GPC6: variants seen among roughly 807,000 people sequenced by gnomAD.
The protein encoded by GPC6 is glypican 6.
In GPC6, 14 loss-of-function variants were observed where a neutral mutation model predicts 55.2. The observed-to-expected ratio is 0.25, with a 90% CI of 0.17 to 0.40. The LOEUF is 0.40. Among genes scored for constraint, GPC6 ranks in the 10% least tolerant of loss-of-function variants. The pLI, the probability that GPC6 is intolerant of heterozygous loss-of-function variation, is 1.00. For synonymous variants in GPC6, 278 were observed against 259.6 expected, an observed-to-expected ratio of 1.07 and a Z score of -0.68; for missense variants, 641 against 708.5, an observed-to-expected ratio of 0.90 and a Z score of 1.08.
At chr13:93,688,906 TTAA>T (rs1281337025) in intron 2 of GPC6, among the ~76,000 whole-genome samples, 1 of 152,010 alleles carries the variant, frequency 6.6e-6, no homozygotes, top group African/African-American at 2.4e-5. Flanking sequence ...CTTACAAATG[TTAA>T]TATGGTAAAT....
intron 2 of GPC6, among the ~76,000 whole-genome samples, chr13:93,751,292 C>T (rs1884579080): frequency 6.6e-6 from 1 of 152,002 alleles, no homozygotes; most frequent in Non-Finnish European, 1.5e-5. Flanking sequence ...GCCTCACCAC[C>T]AATAGTAGCT....
At chr13:93,430,772 T>G (rs1877325662) in intron 1 of GPC6, among the ~76,000 whole-genome samples, 1 of 152,158 alleles carries the variant, frequency 6.6e-6, no homozygotes, top group South Asian at 2.1e-4. Context: ...CTTATACAGT[T>G]TTATGTGTAT....
chr13:94,328,479 T>C (rs937978516), intron 6 of GPC6, among the ~76,000 whole-genome samples: 1 of 152,196 alleles, frequency 6.6e-6, no homozygotes, highest in East Asian at 1.9e-4. Flanking sequence ...CTGGGGATGC[T>C]GGAACAAAGC....
chr13:93,833,293 A>C (rs908648419), intron 3 of GPC6, among the ~76,000 whole-genome samples: 9 of 152,168 alleles, frequency 5.9e-5, no homozygotes, highest in African/African-American at 2.2e-4. Flanking sequence ...AGCCGACTAA[A>C]CTAGCAATTT....
chr13:94,065,206 C>A (rs1318387628), intron 4 of GPC6, among the ~76,000 whole-genome samples: 7 of 152,222 alleles, frequency 4.6e-5, no homozygotes, highest in Admixed American at 6.5e-5. Context: ...TTTCCTCTGC[C>A]AATTTGCAAT....
intron 2 of GPC6, among the ~76,000 whole-genome samples, chr13:93,789,579 C>CTATATATATATAATACTACATATATA (rs1885939667): frequency 3.4e-5 from 2 of 59,032 alleles, no homozygotes; most frequent in African/African-American, 6.9e-5. Flanking sequence ...TATATAAATA[C>CTATATATATATAATACTACATATATA]TATATATATA....
At chr13:93,804,385 T>C (rs947096035) in intron 2 of GPC6, among the ~76,000 whole-genome samples, 3 of 152,216 alleles carry the variant, frequency 2.0e-5, no homozygotes, top group African/African-American at 7.2e-5. Context: ...GTACATGACC[T>C]AAAATTTATT....
In GPC6 at chr13:93,400,497, G is replaced by A. The variant is rs142124025; in HGVS notation, c.161-144766G>A. On this transcript the variant is annotated intron_variant, in intron 1 of 8. Transcript: ENST00000377047. The stretch of plus-strand genomic sequence containing the variant: ...GTGGGGGGAGGTGGGGATGGTTAAT[G>A]GATGCAAAAATAAAAAGAATGAATT... Among the ~76,000 whole-genome samples the A allele has an allele frequency of 3.6e-3, 550 of 152,096 alleles. 3 individuals carry two copies. The highest frequency in any genetic ancestry group is 7.7e-3 in the South Asian group (37 of 4,824).
chr13:93,309,444 T>A (rs1389909104), intron 1 of GPC6, among the ~76,000 whole-genome samples: 1 of 152,126 alleles, frequency 6.6e-6, no homozygotes, highest in South Asian at 2.1e-4. Flanking sequence ...TTATATATTC[T>A]GTATTATTTT....
At chr13:94,393,924 G>A (rs1880780978) in intron 7 of GPC6, among the ~76,000 whole-genome samples, 1 of 152,152 alleles carries the variant, frequency 6.6e-6, no homozygotes. Context: ...TGTCAGGAGT[G>A]ATGTTGAATG....
At chr13:94,384,556 A>G (rs934368675) in intron 7 of GPC6, among the ~76,000 whole-genome samples, 3 of 152,128 alleles carry the variant, frequency 2.0e-5, no homozygotes, top group African/African-American at 7.2e-5. Flanking sequence ...TATTTTTTTA[A>G]AAAAAGGCCA....
chr13:93,331,932 G>A (rs1256997321), intron 1 of GPC6, among the ~76,000 whole-genome samples: 2 of 151,854 alleles, frequency 1.3e-5, no homozygotes, highest in Non-Finnish European at 2.9e-5. Flanking sequence ...CATTTTTATA[G>A]CTCCCATATA....
intron 2 of GPC6, among the ~76,000 whole-genome samples, chr13:93,674,603 G>A (rs1180741993): frequency 2.6e-5 from 4 of 152,100 alleles, no homozygotes; most frequent in Non-Finnish European, 1.5e-5. Flanking sequence ...TTTCATTTCC[G>A]ACTGTCAGCA....
At chr13:93,380,542 G>C (rs1415646754) in intron 1 of GPC6, among the ~76,000 whole-genome samples, 5 of 152,190 alleles carry the variant, frequency 3.3e-5, no homozygotes, top group Admixed American at 6.5e-5. Flanking sequence ...TAACTTGTAG[G>C]ATAATCTTGT....
chr13:94,282,249 G>C (rs550041870), intron 4 of GPC6, among the ~76,000 whole-genome samples: 17 of 152,158 alleles, frequency 1.1e-4, no homozygotes, highest in Middle Eastern at 6.8e-3. Flanking sequence ...TGCATGGCTG[G>C]GGAAATGCAG....
At chr13:94,316,222 G>C (rs182033269) in intron 6 of GPC6, among the ~76,000 whole-genome samples, 79 of 152,222 alleles carry the variant, frequency 5.2e-4, no homozygotes, top group Middle Eastern at 6.8e-3. Context: ...TATTAGAGAG[G>C]GGGTATCTAC....
At chr13:93,369,933 T>C (rs1393486860) in intron 1 of GPC6, among the ~76,000 whole-genome samples, 1 of 152,144 alleles carries the variant, frequency 6.6e-6, no homozygotes, top group Non-Finnish European at 1.5e-5. Flanking sequence ...CAAGTGATTA[T>C]GTAGGTTGTA....
chr13:93,287,167 G>A (rs982046370), intron 1 of GPC6, among the ~76,000 whole-genome samples: 6 of 151,988 alleles, frequency 3.9e-5, no homozygotes, highest in Non-Finnish European at 7.4e-5. Context: ...CTGAAACCTT[G>A]GGTCCACATT....
At chr13:93,771,288 C>T (rs1215841501) in intron 2 of GPC6, among the ~76,000 whole-genome samples, 2 of 152,194 alleles carry the variant, frequency 1.3e-5, no homozygotes, top group South Asian at 2.1e-4. Flanking sequence ...GATCACGCTT[C>T]CTTCCTCGGT....
Sources: gnomAD v4.1 joint callset for allele counts (sites outside exome capture counted in the v4.1 genomes callset) on GRCh38, gnomAD v4.1.1 for gene constraint, MANE v1.5 for transcripts, NCBI Gene and HGNC (gene_info 2026-07-23, HGNC 2026-07-21) for gene names.